Variants in SLC30A8 observed in about 807,000 individuals in gnomAD.
The protein encoded by SLC30A8 is solute carrier family 30 member 8.
A neutral mutation model predicts 36.9 loss-of-function variants in SLC30A8; 27 were observed. The ratio of observed to expected loss-of-function variants is 0.73; its 90% CI spans 0.54 to 1.01. The LOEUF is 1.01. Among genes scored for constraint, SLC30A8 ranks in the 50% least tolerant of loss-of-function variants. The pLI, the probability that SLC30A8 is intolerant of heterozygous loss-of-function variation, is 0.00. For synonymous variants in SLC30A8, 164 were observed against 172.4 expected (o/e 0.95, Z 0.38); for missense variants, 439 against 452.0 (o/e 0.97, Z 0.26).
At chr8:117,076,819 A>G (rs1392437290) in intron 2 of SLC30A8, among the ~76,000 whole-genome samples, 1 of 152,048 alleles carries the variant, frequency 6.6e-6, no homozygotes, top group Non-Finnish European at 1.5e-5. Context: ...AAGAGGAGGA[A>G]TTAATGATGT....
intron 2 of SLC30A8, among the ~76,000 whole-genome samples, chr8:117,060,446 A>G (rs972986290): frequency 6.6e-6 from 1 of 152,204 alleles, no homozygotes; most frequent in Non-Finnish European, 1.5e-5. Flanking sequence ...TGAGAGTGGC[A>G]GTAAAAACCC....
intron 2 of SLC30A8, among the ~76,000 whole-genome samples, chr8:117,094,326 G>A (rs912483442): frequency 4.6e-5 from 7 of 152,214 alleles, no homozygotes; most frequent in Non-Finnish European, 1.0e-4. Flanking sequence ...AAGGTGAAGA[G>A]GAGTTTTATT....
At chr8:117,039,299 A>G (rs532676683) in intron 2 of SLC30A8, 2 of 152,358 alleles carry the variant, frequency 1.3e-5, no homozygotes, top group African/African-American at 4.8e-5. Flanking sequence ...AGGGAGATCA[A>G]TATGTATAAA....
At chr8:117,153,126 G>C in intron 3 of SLC30A8, 36 bp downstream of exon 3, 7 of 1,504,900 alleles carry the variant, frequency 4.7e-6, no homozygotes, top group Non-Finnish European at 6.3e-6. Flanking sequence ...CAGCAGGCTG[G>C]TGCTGCAAAG....
intron 2 of SLC30A8, among the ~76,000 whole-genome samples, chr8:117,113,649 C>T (rs748176683): frequency 5.3e-5 from 8 of 152,132 alleles, no homozygotes; most frequent in Non-Finnish European, 1.2e-4. Flanking sequence ...AACAGGATTG[C>T]CAAGGCGCCA....
intron 4 of SLC30A8, among the ~76,000 whole-genome samples, chr8:117,159,838 C>T (rs1308579563): frequency 6.6e-6 from 1 of 152,224 alleles, no homozygotes; most frequent in Non-Finnish European, 1.5e-5. Context: ...ACCTACCCAA[C>T]TATCACATCA....
chr8:117,043,322 C>T, intron 2 of SLC30A8, among the ~76,000 whole-genome samples: 1 of 152,198 alleles, frequency 6.6e-6, no homozygotes, highest in East Asian at 1.9e-4. Flanking sequence ...GACAGGAAAT[C>T]AGCATGGGCT....
At chr8:116,956,961 T>C (rs1403941026) in intron 1 of SLC30A8, among the ~76,000 whole-genome samples, 1 of 152,162 alleles carries the variant, frequency 6.6e-6, no homozygotes, top group African/African-American at 2.4e-5. Context: ...ATTTAATAAG[T>C]GACATGTAGA....
intron 1 of SLC30A8, among the ~76,000 whole-genome samples, chr8:116,976,814 CTTTCTTTCTTTT>C (rs1200380748): frequency 1.4e-5 from 2 of 138,162 alleles, no homozygotes; most frequent in African/African-American, 6.3e-5. Context: ...TTCTTTCTTT[CTTTCTTTCTTTT>C]TTTTTTTTTT....
intron 2 of SLC30A8, among the ~76,000 whole-genome samples, chr8:117,109,592 G>A (rs958951121): frequency 1.0e-4 from 11 of 109,146 alleles, no homozygotes; most frequent in Admixed American, 3.4e-4. Context: ...TAAGAGCCCC[G>A]TGTATATTTT....
At chr8:116,955,145 G>A (rs1814144069) in intron 1 of SLC30A8, among the ~76,000 whole-genome samples, 2 of 152,238 alleles carry the variant, frequency 1.3e-5, no homozygotes, top group African/African-American at 4.8e-5. Flanking sequence ...ATTTGAAATA[G>A]CTGGTGTATT....
chr8:116,995,099 A>G (rs539391321), intron 1 of SLC30A8, among the ~76,000 whole-genome samples: 30 of 152,232 alleles, frequency 2.0e-4, no homozygotes, highest in Admixed American at 1.7e-3. Context: ...TAAAACAGAT[A>G]CAAAGCTGCC....
At chr8:116,977,091 A>G (rs1450091100) in intron 1 of SLC30A8, among the ~76,000 whole-genome samples, 2 of 148,200 alleles carry the variant, frequency 1.3e-5, no homozygotes, top group Non-Finnish European at 3.0e-5. Flanking sequence ...TGCTGGGATC[A>G]TAGGCAGGAG....
At chr8:116,964,958 C>A (rs144950859) in intron 1 of SLC30A8, among the ~76,000 whole-genome samples, 1 of 152,222 alleles carries the variant, frequency 6.6e-6, no homozygotes, top group African/African-American at 2.4e-5. Context: ...GTTTTTGAGA[C>A]GGAATTTCAC....
chr8:117,075,276 C>G (rs1048528293), intron 2 of SLC30A8, among the ~76,000 whole-genome samples: 1 of 152,158 alleles, frequency 6.6e-6, no homozygotes. Context: ...CAAAATATTA[C>G]TGGAAATCCT....
At chr8:116,960,416 C>G (rs1036452224) in intron 1 of SLC30A8, among the ~76,000 whole-genome samples, 22 of 152,228 alleles carry the variant, frequency 1.4e-4, no homozygotes, top group African/African-American at 5.3e-4. Context: ...AATTTTTAAT[C>G]TAAGAAAAGA....
chr8:117,041,348 A>G lies in SLC30A8; in HGVS notation c.-226+2090A>G, dbSNP rs1046237390. ...CGAGTTTCATCACCTTGGCAGGTTG[A>G]AAAAGGAATTTGTATGTGACAGATT... is the stretch of plus-strand genomic sequence containing the variant. On this transcript the variant is annotated intron_variant, in intron 2 of 10. Coordinates refer to the SLC30A8 transcript ENST00000427715. Among the ~76,000 whole-genome samples the G allele has an allele frequency of 2.0e-5, 3 of 152,348 alleles. No individual in the cohort carries two copies. In the South Asian group the frequency reaches 6.2e-4, roughly 32 times the overall value.
chr8:117,044,348 A>T (rs1034191015), intron 2 of SLC30A8, among the ~76,000 whole-genome samples: 2 of 152,176 alleles, frequency 1.3e-5, no homozygotes, highest in African/African-American at 4.8e-5. Context: ...GTTTGTCCTT[A>T]TTAGGTGATG....
chr8:117,009,346 A>T (rs1219121380), intron 1 of SLC30A8, among the ~76,000 whole-genome samples: 3 of 152,174 alleles, frequency 2.0e-5, no homozygotes, highest in African/African-American at 7.2e-5. Flanking sequence ...ATATTGAAAA[A>T]ACTGAGAGGG....
Sources: allele counts gnomAD v4.1 joint callset (sites outside exome capture counted in the v4.1 genomes callset), GRCh38; gene constraint gnomAD v4.1.1; transcripts MANE v1.5; gene names NCBI Gene and HGNC (gene_info 2026-07-23, HGNC 2026-07-21).